Variants in ANXA8 observed in about 807,000 individuals in gnomAD.
ANXA8 encodes the protein annexin A8.
Under a neutral mutation model 26.8 loss-of-function variants are expected in ANXA8, and 9 were observed. The observed-to-expected ratio is 0.34, with a 90% CI of 0.20 to 0.59. The LOEUF is 0.59. Among genes scored for constraint, ANXA8 ranks in the 20% least tolerant of loss-of-function variants. ANXA8 has a pLI of 0.84. For missense variants in ANXA8, 83 were observed against 238.5 expected, an observed-to-expected ratio of 0.35 and a Z score of 4.29; for synonymous variants, 39 against 94.8, an observed-to-expected ratio of 0.41 and a Z score of 3.42.
the ANXA8 span, among the ~76,000 whole-genome samples, chr10:47,724,869 C>T: frequency 1.3e-4 from 18 of 137,698 alleles, 3 homozygotes; most frequent in African/African-American, 4.8e-4. Flanking sequence ...ATGGCAACTA[C>T]GAATCTGCTT....
At chr10:47,486,122 A>T (rs1188480150), upstream of ANXA8, among the ~76,000 whole-genome samples, 3,323 of 151,234 alleles carry the variant, frequency 0.022, 140 homozygotes, top group African/African-American at 0.076. Flanking sequence ...AAAAAAAAAA[A>T]TCAACAGCAG....
the ANXA8 span, among the ~76,000 whole-genome samples, chr10:47,683,842 C>T: frequency 4.6e-5 from 7 of 151,084 alleles, no homozygotes; most frequent in South Asian, 1.5e-3. Flanking sequence ...GTAAAATAGA[C>T]ATGAAAAGGC....
the ANXA8 span, among the ~76,000 whole-genome samples, chr10:47,944,812 T>C: frequency 6.7e-6 from 1 of 149,480 alleles, no homozygotes; most frequent in Non-Finnish European, 1.5e-5. Context: ...TATGTCTTTA[T>C]TAGCAGTGTG....
the ANXA8 span, among the ~76,000 whole-genome samples, chr10:47,647,956 T>A: frequency 6.6e-6 from 1 of 151,758 alleles, no homozygotes; most frequent in Non-Finnish European, 1.5e-5. Context: ...GAAGCTTAGA[T>A]GAATAAAGGG....
the ANXA8 span, among the ~76,000 whole-genome samples, chr10:47,743,915 C>A: frequency 1.9e-3 from 256 of 136,424 alleles, 14 homozygotes; most frequent in African/African-American, 6.9e-3. Flanking sequence ...TGATGCCAGC[C>A]GATTCTCAAA....
chr10:47,649,910 T>C, the ANXA8 span, among the ~76,000 whole-genome samples: 1 of 149,182 alleles, frequency 6.7e-6, no homozygotes. Context: ...TTGTATTTTT[T>C]GTATTATAGG....
At chr10:47,581,141 C>G in the ANXA8 span, 1 of 319,088 alleles carries the variant, frequency 3.1e-6, no homozygotes, top group South Asian at 2.8e-5. Context: ...CACAGTCTAC[C>G]ATAGCACAAA....
the ANXA8 span, among the ~76,000 whole-genome samples, chr10:47,929,291 A>C: frequency 1.5e-5 from 1 of 67,726 alleles, no homozygotes; most frequent in African/African-American, 6.9e-5. Flanking sequence ...TCTCCTTGAG[A>C]CTCCTGCATG....
chr10:47,659,021 G>A, the ANXA8 span, among the ~76,000 whole-genome samples: 33 of 150,736 alleles, frequency 2.2e-4, no homozygotes, highest in Non-Finnish European at 1.5e-4. Flanking sequence ...ACAGGCGCCC[G>A]CCACCACGCC....
chr10:47,743,855 G>C, the ANXA8 span, among the ~76,000 whole-genome samples: 2 of 145,534 alleles, frequency 1.4e-5, no homozygotes, highest in Non-Finnish European at 1.5e-5. Flanking sequence ...CCGTCTGCAG[G>C]CTCCGTCCCC....
the ANXA8 span, chr10:47,567,892 T>C: frequency 5.0e-6 from 2 of 400,202 alleles, no homozygotes; most frequent in Non-Finnish European, 9.3e-6. Context: ...GTGTGGCGCT[T>C]TCTGTCATTT....
chr10:47,978,166 TA>T, the ANXA8 span, among the ~76,000 whole-genome samples: 1 of 152,036 alleles, frequency 6.6e-6, no homozygotes, highest in Non-Finnish European at 1.5e-5. Flanking sequence ...GATAACATAT[TA>T]AAAGTATTGT....
the ANXA8 span, among the ~76,000 whole-genome samples, chr10:47,948,061 C>T: frequency 6.7e-6 from 1 of 150,002 alleles, no homozygotes; most frequent in South Asian, 2.1e-4. Context: ...TAAAGAAGCC[C>T]TAAATAAAGT....
At chr10:47,510,910 A>T in the ANXA8 span, among the ~76,000 whole-genome samples, 1 of 132,536 alleles carries the variant, frequency 7.5e-6, no homozygotes, top group African/African-American at 2.8e-5. Context: ...GCAGCCAAGA[A>T]TTTCTATTAA....
chr10:47,565,895 T>C, the ANXA8 span: 57 of 1,425,460 alleles, frequency 4.0e-5, no homozygotes, highest in Non-Finnish European at 4.7e-5. Context: ...GCACTTCAAG[T>C]GCTGCAGCTG....
At chr10:47,576,459 T>TA in the ANXA8 span, among the ~76,000 whole-genome samples, 1 of 97,734 alleles carries the variant, frequency 1.0e-5, no homozygotes, top group African/African-American at 4.2e-5. Context: ...CCCTATCTTT[T>TA]TTTTTTTTTT....
the ANXA8 span, among the ~76,000 whole-genome samples, chr10:47,570,713 C>G: frequency 6.6e-6 from 1 of 150,682 alleles, no homozygotes; most frequent in African/African-American, 2.5e-5. Flanking sequence ...GTTGAGGCTA[C>G]CATGAGCTGT....
the ANXA8 span, among the ~76,000 whole-genome samples, chr10:47,618,942 G>A: frequency 1.7e-5 from 2 of 115,102 alleles, no homozygotes; most frequent in African/African-American, 6.7e-5. Flanking sequence ...AAGCCCTCTT[G>A]CTTTAGTAGC....
At chr10:47,580,753 C>CA in the ANXA8 span, among the ~76,000 whole-genome samples, 3,202 of 55,856 alleles carry the variant, frequency 0.057, 82 homozygotes, top group African/African-American at 0.18. Flanking sequence ...AAAAACAAAA[C>CA]AAAAAAAAAA....
Sources: gnomAD v4.1 joint callset for allele counts (sites outside exome capture counted in the v4.1 genomes callset) on GRCh38, gnomAD v4.1.1 for gene constraint, MANE v1.5 for transcripts, NCBI Gene and HGNC (gene_info 2026-07-23, HGNC 2026-07-21) for gene names.